The following DLGAP2 variants were observed in gnomAD, a reference collection of about 807,000 sequenced individuals.
The protein encoded by DLGAP2 is disks large-associated protein 2.
A neutral mutation model predicts 100.3 loss-of-function variants in DLGAP2; 26 were observed. The observed-to-expected ratio is 0.26, with a 90% CI of 0.19 to 0.36. The LOEUF (loss-of-function observed/expected upper bound fraction) is 0.36, where lower values mean the gene tolerates loss of function less well. DLGAP2 is among the 10% of genes least tolerant of loss of function. The pLI is 1.00. For missense variants in DLGAP2, 1,858 were observed against 1,453.2 expected, an observed-to-expected ratio of 1.28 and a Z score of -4.53; for synonymous variants, 886 against 630.1, an observed-to-expected ratio of 1.41 and a Z score of -6.08.
intron 8 of DLGAP2, among the ~76,000 whole-genome samples, chr8:1,649,231 G>A (rs1270359082): frequency 6.6e-6 from 1 of 151,778 alleles, no homozygotes; most frequent in East Asian, 1.9e-4. Flanking sequence ...AATTCTTTTT[G>A]TTTCTTCAAA....
At chr8:1,040,513 TGGCTCGGTTTCCGTGGTC>T (rs1802311553) in intron 2 of DLGAP2, among the ~76,000 whole-genome samples, 1 of 62,954 alleles carries the variant, frequency 1.6e-5, no homozygotes, top group Non-Finnish European at 3.1e-5. Context: ...TGTGCGTGGT[TGGCTCGGTTTCCGTGGTC>T]GGCTCGGTGT....
At chr8:879,133 C>T (rs905649391) in intron 1 of DLGAP2, among the ~76,000 whole-genome samples, 2 of 152,098 alleles carry the variant, frequency 1.3e-5, no homozygotes, top group Admixed American at 1.3e-4. Flanking sequence ...TAAAATCTTA[C>T]CTAGGATCAC....
rs1433122214 is a variant in DLGAP2, at chr8:1,164,147, TTTC to T, written c.74-94702_74-94700del. Among the ~76,000 whole-genome samples the T allele has an allele frequency of 1.0e-4, 11 of 106,386 alleles. 3 individuals carry two copies. The highest frequency in any genetic ancestry group is 3.3e-4 in the African/African-American group (9 of 26,886). 69.8% of individuals were successfully genotyped at this position (106,386 alleles called of 152,430 possible). Reference sequence around the variant, plus strand: ...CCCGTCATTTTGGTTTGTGGGGATTTTTCTGTGAGCCCCCCAGGGCCCGTCATT... The same window carrying T: ...CCCGTCATTTTGGTTTGTGGGGATTTTGTGAGCCCCCCAGGGCCCGTCATT... On this transcript the variant is annotated intron_variant, in intron 2 of 14. Coordinates refer to ENST00000637795, the MANE Select transcript of DLGAP2 (RefSeq NM_001346810.2).
chr8:1,583,256 G>T (rs886346039), intron 6 of DLGAP2, among the ~76,000 whole-genome samples: 1 of 152,188 alleles, frequency 6.6e-6, no homozygotes, highest in African/African-American at 2.4e-5. Flanking sequence ...TCTGCCATGG[G>T]TTGGGTGAGG....
intron 3 of DLGAP2, among the ~76,000 whole-genome samples, chr8:1,433,871 C>T (rs1034411485): frequency 6.6e-6 from 1 of 151,062 alleles, no homozygotes; most frequent in Non-Finnish European, 1.5e-5. Flanking sequence ...CTCCATGATG[C>T]ACATGGAATC....
chr8:1,506,887 G>A (rs1799939336), intron 4 of DLGAP2, among the ~76,000 whole-genome samples: 2 of 151,538 alleles, frequency 1.3e-5, no homozygotes, highest in South Asian at 2.1e-4. Flanking sequence ...TACAAACCTT[G>A]AGCTAGACAC....
rs573199488 is a variant in DLGAP2, at chr8:1,201,784, A to G, written c.74-57067A>G. On this transcript the variant is annotated intron_variant, in intron 2 of 14. Transcript: ENST00000637795. ...TCCCTCATCACCAGGCAGCATCCGC[A>G]GACACACAGCGGTGCCTCTGTGTAC... 2.3e-3 allele frequency among the ~76,000 whole-genome samples: 355 copies of G among 152,338 alleles called. 4 individuals are homozygous for G. Among genetic ancestry groups the G allele is most frequent in the African/African-American group, 8.1e-3 (337 of 41,576 alleles).
At chr8:1,189,320 G>A (rs944067636) in intron 2 of DLGAP2, among the ~76,000 whole-genome samples, 1 of 152,234 alleles carries the variant, frequency 6.6e-6, no homozygotes, top group Admixed American at 6.5e-5. Context: ...GGAGACCCAG[G>A]AGCCCATCGT....
chr8:1,170,026 A>G (rs1308835835), intron 2 of DLGAP2, among the ~76,000 whole-genome samples: 1 of 151,734 alleles, frequency 6.6e-6, no homozygotes, highest in Non-Finnish European at 1.5e-5. Context: ...GGTTTGTCAT[A>G]GATAGCTCTT....
At position 1,090,212 on chromosome 8, in the gene DLGAP2, G is replaced by C. The variant is rs1344758712; in HGVS notation, c.74-168639G>C. Among the ~76,000 whole-genome samples the C allele has an allele frequency of 4.1e-5, 6 of 147,174 alleles. No homozygotes were observed. The East Asian group carries it at 1.2e-3, about 30-fold the overall frequency. On this transcript the variant is annotated intron_variant, in intron 2 of 14. Transcript: ENST00000637795. ...GGACCTGCTGCCTGTCTGCGCTCTG[G>C]AGCCCTCCTGGCCAGACAGGGGTGG...
At chr8:1,136,975 C>T (rs1477436869) in intron 2 of DLGAP2, among the ~76,000 whole-genome samples, 1 of 152,194 alleles carries the variant, frequency 6.6e-6, no homozygotes, top group Non-Finnish European at 1.5e-5. Context: ...GTAATCCTGC[C>T]TCTCAAGATG....
chr8:1,547,937 A>G (rs977853003), intron 4 of DLGAP2, among the ~76,000 whole-genome samples: 7 of 152,200 alleles, frequency 4.6e-5, no homozygotes, highest in African/African-American at 1.4e-4. Context: ...ACTAGACAAT[A>G]TCACCCATCA....
At chr8:1,202,351 G>A (rs974885512) in intron 2 of DLGAP2, among the ~76,000 whole-genome samples, 11 of 151,758 alleles carry the variant, frequency 7.2e-5, no homozygotes, top group Admixed American at 1.3e-4. Flanking sequence ...GGGCAGGCAC[G>A]GCTCCTCTTG....
At chr8:1,047,060 G>A (rs1370165193) in intron 2 of DLGAP2, among the ~76,000 whole-genome samples, 2 of 152,032 alleles carry the variant, frequency 1.3e-5, no homozygotes, top group Admixed American at 6.6e-5. Flanking sequence ...TATTCACAGA[G>A]TTGTGCAGCC....
intron 2 of DLGAP2, among the ~76,000 whole-genome samples, chr8:1,004,819 A>G (rs564508375): frequency 1.3e-5 from 2 of 152,332 alleles, no homozygotes; most frequent in South Asian, 4.1e-4. Context: ...TTGCAGCTGA[A>G]GTGTCCATGT....
intron 3 of DLGAP2, among the ~76,000 whole-genome samples, chr8:1,267,249 AAAAT>A (rs1799472732): frequency 1.4e-5 from 1 of 70,810 alleles, no homozygotes; most frequent in South Asian, 5.0e-4. Context: ...ATAAATAAAT[AAAAT>A]AAAATAAAAT....
intron 2 of DLGAP2, among the ~76,000 whole-genome samples, chr8:1,215,799 A>G (rs1798200480): frequency 7.7e-6 from 1 of 130,694 alleles, no homozygotes; most frequent in Non-Finnish European, 1.6e-5. Context: ...AGGTACCTAT[A>G]TGGGTTCATT....
chr8:872,620 C>T (rs757942007), intron 1 of DLGAP2, among the ~76,000 whole-genome samples: 5 of 152,250 alleles, frequency 3.3e-5, no homozygotes, highest in Admixed American at 6.5e-5. Context: ...TGAGCCACTG[C>T]GCCCGGCCTT....
chr8:830,375 GCTGTCAAATATTAGAT>G (rs1796759137), intron 1 of DLGAP2, among the ~76,000 whole-genome samples: 1 of 152,100 alleles, frequency 6.6e-6, no homozygotes, highest in Non-Finnish European at 1.5e-5. Context: ...CTCCTGTTAT[GCTGTCAAATATTAGAT>G]CTTATTCATT....
Sources: gnomAD v4.1 joint callset for allele counts (sites outside exome capture counted in the v4.1 genomes callset) on GRCh38, gnomAD v4.1.1 for gene constraint, MANE v1.5 for transcripts, NCBI Gene and HGNC (gene_info 2026-07-23, HGNC 2026-07-21) for gene names.